The following DAB2IP variants were observed in gnomAD, a reference collection of about 807,000 sequenced individuals.
DAB2IP encodes the protein disabled homolog 2-interacting protein.
In DAB2IP, 28 loss-of-function variants were observed where a neutral mutation model predicts 107.2. The observed-to-expected ratio is 0.26, with a 90% confidence interval of 0.19 to 0.36. The LOEUF (loss-of-function observed/expected upper bound fraction) is 0.36, where lower values mean the gene tolerates loss of function less well. DAB2IP is among the 10% of genes least tolerant of loss of function. The pLI, the probability that DAB2IP is intolerant of heterozygous loss-of-function variation, is 1.00. For synonymous variants in DAB2IP, 755 were observed against 706.4 expected (o/e 1.07, Z -1.09); for missense variants, 1,400 against 1,644.7 (o/e 0.85, Z 2.57).
At position 121,763,796 on chromosome 9, in the gene DAB2IP, C is replaced by T. The variant is rs77220406; in HGVS notation, c.1377C>T (p.Cys459=). ...ACTGCGAAGTGGATCCCAGCAAGTG[C>T]TCGGCCGCTGACCTCCCAGAGCACC... is the stretch of plus-strand genomic sequence containing the variant. The change falls in exon 8 of 16, where the codon TGC becomes TGT. Residue 459 remains cysteine (C), a synonymous_variant. Coordinates refer to ENST00000408936, the Ensembl canonical transcript of DAB2IP. 2.2e-4 allele frequency: 359 copies of T among 1,614,142 alleles called. 1 individual carries two copies. The African/African-American group carries it at 4.4e-3, about 20-fold the overall frequency.
In DAB2IP at chr9:121,586,285, G is replaced by T. The variant is rs1830311369; in HGVS notation, c.40+19057G>T. On this transcript the variant is annotated intron_variant, in intron 1 of 16. Coordinates refer to the DAB2IP transcript ENST00000259371. ...GAATCCTGATGGCAGATGAACTTCA[G>T]GTGACTTACTTGAGACAAATAACTG... is the stretch of plus-strand genomic sequence containing the variant. Among the ~76,000 whole-genome samples, 3 of 152,348 alleles carry T rather than the reference G, an allele frequency of 2.0e-5. No homozygotes were observed. In the South Asian group the frequency reaches 6.2e-4, roughly 32 times the overall value.
chr9:121,651,624 G>T lies in DAB2IP; in HGVS notation c.-152G>T. ...CGGGAGGGGGCAGGAGGCGGAGGAG[G>T]AGTTTGAGCGACTTTGTGGGGCAGC... is the stretch of plus-strand genomic sequence containing the variant. On this transcript the variant is annotated 5_prime_UTR_variant, in exon 1 of 16. Coordinates refer to ENST00000408936, the Ensembl canonical transcript of DAB2IP. This position sits in a 1 kb window ranked among gnomAD's most constrained non-coding sequence, Gnocchi z 5.1. 1.9e-6 allele frequency: 2 copies of T among 1,047,262 alleles called. No homozygotes were observed. The highest frequency in any genetic ancestry group is 4.6e-5 in the South Asian group (1 of 21,744). The allele number at this position is 1,047,262 out of a possible 1,614,324, so 64.9% of individuals were successfully genotyped here.
chr9:121,783,870 T>G (rs1261835544), exon 16 of DAB2IP: 1 of 412,120 alleles, frequency 2.4e-6, no homozygotes, highest in Non-Finnish European at 4.5e-6. Context: ...TCTCGGCCCC[T>G]GTCTGTTCCC....
At chr9:121,746,311 C>A (rs923726642) in intron 3 of DAB2IP, among the ~76,000 whole-genome samples, 4 of 152,168 alleles carry the variant, frequency 2.6e-5, no homozygotes, top group African/African-American at 9.7e-5. Flanking sequence ...GTCAGTTGAG[C>A]CCTACAGCCA....
At chr9:121,638,324 G>A (rs1197992499) in intron 1 of DAB2IP, among the ~76,000 whole-genome samples, 1 of 152,228 alleles carries the variant, frequency 6.6e-6, no homozygotes, top group Non-Finnish European at 1.5e-5. Flanking sequence ...AGGAGGGTAT[G>A]CATATGCTAT....
chr9:121,616,637 C>T (rs1187207482), intron 1 of DAB2IP, among the ~76,000 whole-genome samples: 1 of 152,186 alleles, frequency 6.6e-6, no homozygotes, highest in African/African-American at 2.4e-5. Context: ...GACTGTGGAA[C>T]TGGGGCGGGT....
intron 14 of DAB2IP, among the ~76,000 whole-genome samples, chr9:121,779,416 A>G (rs1156675207): frequency 1.8e-4 from 27 of 152,160 alleles, no homozygotes; most frequent in Admixed American, 1.7e-3. Context: ...CTCTCTGTAT[A>G]CTTGGTAATT....
At chr9:121,567,322 A>T in intron 1 of DAB2IP, 2 of 1,572,874 alleles carry the variant, frequency 1.3e-6, no homozygotes, top group Middle Eastern at 3.5e-4. Context: ...TGAAGCAGGG[A>T]GGCAGTCAGG....
chr9:121,770,183 T>C (rs2119003742), intron 10 of DAB2IP, among the ~76,000 whole-genome samples: 1 of 152,300 alleles, frequency 6.6e-6, no homozygotes. Context: ...TGAGAGGGGC[T>C]GTCACAGAAG....
chr9:121,774,410 A>C, exon 13 of DAB2IP: 1 of 1,609,628 alleles, frequency 6.2e-7, no homozygotes, highest in Non-Finnish European at 8.5e-7. Context: ...CCAAGCAGAA[A>C]AGGTAAAACT....
chr9:121,584,365 G>A (rs1018096937), intron 1 of DAB2IP, among the ~76,000 whole-genome samples: 1 of 151,438 alleles, frequency 6.6e-6, no homozygotes, highest in Non-Finnish European at 1.5e-5. Flanking sequence ...ATGTGATCAC[G>A]CCACTGCACT....
At chr9:121,669,587 C>T (rs1564145664) in intron 1 of DAB2IP, among the ~76,000 whole-genome samples, 2 of 152,082 alleles carry the variant, frequency 1.3e-5, no homozygotes, top group Non-Finnish European at 2.9e-5. Flanking sequence ...AAGGCAGAGG[C>T]AAGTCTATAA....
chr9:121,724,710 C>CA (rs1831134113), intron 3 of DAB2IP, among the ~76,000 whole-genome samples: 1 of 152,154 alleles, frequency 6.6e-6, no homozygotes, highest in Non-Finnish European at 1.5e-5. Context: ...AAACTAGACT[C>CA]AAAGAAGAGG....
At chr9:121,572,041 G>T (rs1426061285) in intron 1 of DAB2IP, among the ~76,000 whole-genome samples, 2 of 152,272 alleles carry the variant, frequency 1.3e-5, no homozygotes, top group African/African-American at 2.4e-5. Context: ...TGTGTGAAAA[G>T]TCCAGCTCAG....
At chr9:121,771,855 T>C (rs1834768911) in intron 11 of DAB2IP, among the ~76,000 whole-genome samples, 1 of 145,632 alleles carries the variant, frequency 6.9e-6, no homozygotes, top group Non-Finnish European at 1.5e-5. Context: ...GCCCCCCAAG[T>C]CCTTGCAGCC....
At chr9:121,771,183 G>A (rs1192206632) in intron 11 of DAB2IP, among the ~76,000 whole-genome samples, 1 of 152,172 alleles carries the variant, frequency 6.6e-6, no homozygotes, top group African/African-American at 2.4e-5. Context: ...AGGCTTTGAG[G>A]CTGGGAACAG....
At chr9:121,775,290 C>T (rs1835119423) in intron 13 of DAB2IP, among the ~76,000 whole-genome samples, 1 of 152,202 alleles carries the variant, frequency 6.6e-6, no homozygotes, top group Non-Finnish European at 1.5e-5. Flanking sequence ...TGGCAGAACT[C>T]CTTCTCCCCG....
intron 8 of DAB2IP, 42 bp downstream of exon 8, chr9:121,763,921 C>T (rs773739774): frequency 5.0e-6 from 8 of 1,604,160 alleles, no homozygotes; most frequent in Admixed American, 1.7e-5. Flanking sequence ...TCGCCTTCCC[C>T]ATCCTGTCCT....
chr9:121,623,737 G>T (rs541316172), intron 1 of DAB2IP, among the ~76,000 whole-genome samples: 33 of 152,020 alleles, frequency 2.2e-4, no homozygotes, highest in African/African-American at 7.7e-4. Flanking sequence ...GCCCAGGTTG[G>T]AGTGCAGTGG....
Sources: allele counts gnomAD v4.1 joint callset (sites outside exome capture counted in the v4.1 genomes callset), GRCh38; gene constraint gnomAD v4.1.1; non-coding constraint Gnocchi (gnomAD v3.1); transcripts MANE v1.5; gene names NCBI Gene and HGNC (gene_info 2026-07-23, HGNC 2026-07-21).